PRKG1: variants seen among roughly 807,000 people sequenced by gnomAD.
PRKG1 encodes cGMP-dependent protein kinase 1.
Under a neutral mutation model 88.1 loss-of-function variants are expected in PRKG1, and 35 were observed. That is an observed-to-expected ratio of 0.40 (90% CI 0.30 to 0.53). The LOEUF (loss-of-function observed/expected upper bound fraction) is 0.53. Ranked by LOEUF, PRKG1 falls within the 20% of genes least tolerant of loss-of-function variation. The probability of loss-of-function intolerance (pLI) is 0.59; values close to 1 mark genes in which losing one functional copy is unlikely to be tolerated. For missense variants in PRKG1, 540 were observed against 839.8 expected, an observed-to-expected ratio of 0.64 and a Z score of 4.41; for synonymous variants, 303 against 292.5, an observed-to-expected ratio of 1.04 and a Z score of -0.37.
chr10:51,973,467 A>G lies in PRKG1; in HGVS notation c.762+65897A>G, dbSNP rs539106152. Among the ~76,000 whole-genome samples, 67 of 152,296 alleles carry G rather than the reference A, an allele frequency of 4.4e-4. 2 individuals carry two copies. In the South Asian group the frequency reaches 8.5e-3, roughly 19 times the overall value. On this transcript the variant is annotated intron_variant, in intron 5 of 17. Coordinates refer to ENST00000373980, the MANE Select transcript of PRKG1 (RefSeq NM_006258.4). The stretch of plus-strand genomic sequence containing the variant: ...CTTCTAAACTGGAAACCATTGGAAC[A>G]ATGCCACCTCAACAGTTTCTCTTGA...
At chr10:52,192,745 G>GA (rs573468113) in intron 9 of PRKG1, among the ~76,000 whole-genome samples, 48 of 151,520 alleles carry the variant, frequency 3.2e-4, no homozygotes, top group African/African-American at 7.5e-4. Context: ...TATATAAAAA[G>GA]AAAAAAAATA....
intron 9 of PRKG1, among the ~76,000 whole-genome samples, chr10:52,249,356 G>A (rs7907681): frequency 0.47 from 71,427 of 151,264 alleles, 18,703 homozygotes; most frequent in Non-Finnish European, 0.61. Flanking sequence ...AGAACTATAG[G>A]TTTTAACTCT....
intron 3 of PRKG1, among the ~76,000 whole-genome samples, chr10:51,609,906 G>T (rs1193387750): frequency 6.6e-6 from 1 of 152,050 alleles, no homozygotes; most frequent in Non-Finnish European, 1.5e-5. Context: ...ATACCTAGGC[G>T]ATGGGTTGAT....
chr10:51,896,714 CAT>C (rs1841858571), intron 4 of PRKG1, among the ~76,000 whole-genome samples: 1 of 128,844 alleles, frequency 7.8e-6, no homozygotes, highest in East Asian at 2.3e-4. Flanking sequence ...CTGGCCAAAA[CAT>C]AGTTAATAAT....
intron 3 of PRKG1, among the ~76,000 whole-genome samples, chr10:51,741,126 T>A (rs1366512360): frequency 6.7e-6 from 1 of 149,816 alleles, no homozygotes; most frequent in African/African-American, 2.5e-5. Context: ...GGGAGGTGGA[T>A]CTGAATGAAA....
chr10:51,793,823 A>T (rs1838936142), intron 3 of PRKG1, among the ~76,000 whole-genome samples: 1 of 152,072 alleles, frequency 6.6e-6, no homozygotes, highest in Non-Finnish European at 1.5e-5. Flanking sequence ...GTGCAGTGGC[A>T]TGATCTCAGC....
At chr10:51,528,514 T>C (rs1835009050) in intron 3 of PRKG1, among the ~76,000 whole-genome samples, 2 of 151,862 alleles carry the variant, frequency 1.3e-5, no homozygotes, top group Admixed American at 1.3e-4. Flanking sequence ...TTAGCTTAAG[T>C]GGAACATTAG....
chr10:51,926,269 A>T (rs550209305), intron 5 of PRKG1, among the ~76,000 whole-genome samples: 96 of 152,276 alleles, frequency 6.3e-4, no homozygotes, highest in African/African-American at 2.3e-3. Context: ...AACAAGAGAG[A>T]ACAGTGAGGA....
At chr10:51,897,984 T>A (rs1487204214) in intron 4 of PRKG1, among the ~76,000 whole-genome samples, 1 of 152,170 alleles carries the variant, frequency 6.6e-6, no homozygotes, top group East Asian at 1.9e-4. Flanking sequence ...AGCCCCTTTG[T>A]GACCTGACCC....
At chr10:51,413,111 G>A (rs555286234) in intron 2 of PRKG1, among the ~76,000 whole-genome samples, 122 of 152,308 alleles carry the variant, frequency 8.0e-4, no homozygotes, top group African/African-American at 2.8e-3. Flanking sequence ...TGTTAAGATT[G>A]TTCCTAATTC....
intron 3 of PRKG1, among the ~76,000 whole-genome samples, chr10:51,801,367 C>T (rs977394236): frequency 3.3e-5 from 5 of 151,984 alleles, no homozygotes; most frequent in East Asian, 3.9e-4. Flanking sequence ...AATTTTTCAA[C>T]GATTTAAAAA....
In PRKG1 at chr10:52,293,995, CG is replaced by C. The variant is rs1396258930; in HGVS notation, c.*99del. 1 of 1,026,306 alleles carries C rather than the reference CG, an allele frequency of 9.7e-7. No homozygotes were observed. 63.6% of individuals were successfully genotyped at this position (1,026,306 alleles called of 1,614,324 possible). A position where few individuals can be genotyped will look rare whatever the true frequency, so the allele number is the denominator to read the frequency against. On this transcript the variant is annotated 3_prime_UTR_variant, in exon 18 of 18. Coordinates refer to ENST00000373980, the MANE Select transcript of PRKG1 (RefSeq NM_006258.4). ...GAGGGAAAGAGAGAAGATTAGTGCTCGGGGTCACCATGATGCCTTTGATCGA... is the reference window on the plus strand; with the variant it reads ...GAGGGAAAGAGAGAAGATTAGTGCTCGGGTCACCATGATGCCTTTGATCGA...
At chr10:51,016,694 G>GTTTTTTTTTTTTTTTTTT (rs1843070466) in intron 1 of PRKG1, among the ~76,000 whole-genome samples, 2 of 6,050 alleles carry the variant, frequency 3.3e-4, no homozygotes, top group East Asian at 4.4e-3. Flanking sequence ...TTTTTTTTTG[G>GTTTTTTTTTTTTTTTTTT]AATCTTGCTC....
chr10:52,059,195 G>A (rs79590825), intron 6 of PRKG1, among the ~76,000 whole-genome samples: 2,349 of 152,030 alleles, frequency 0.015, 53 homozygotes, highest in African/African-American at 0.053. Flanking sequence ...CAGAGCAACT[G>A]GTATTCTCAA....
At chr10:51,880,769 T>C (rs934469751) in intron 4 of PRKG1, among the ~76,000 whole-genome samples, 5 of 151,292 alleles carry the variant, frequency 3.3e-5, no homozygotes, top group African/African-American at 1.2e-4. Context: ...AGAACACTAA[T>C]GTATGAGGCA....
At chr10:51,483,759 T>C (rs982280692) in intron 3 of PRKG1, among the ~76,000 whole-genome samples, 1 of 152,176 alleles carries the variant, frequency 6.6e-6, no homozygotes, top group Non-Finnish European at 1.5e-5. Flanking sequence ...AGTGATGATA[T>C]ATTTGGAGTA....
intron 3 of PRKG1, among the ~76,000 whole-genome samples, chr10:51,570,521 T>C (rs996948755): frequency 9.9e-5 from 15 of 151,866 alleles, no homozygotes; most frequent in African/African-American, 3.4e-4. Context: ...GTGGCAGAAG[T>C]GGAAGAAAAT....
At chr10:51,412,485 A>G (rs1838122198) in intron 2 of PRKG1, among the ~76,000 whole-genome samples, 1 of 152,014 alleles carries the variant, frequency 6.6e-6, no homozygotes, top group African/African-American at 2.4e-5. Context: ...TCTACTAAAG[A>G]TACAAAAAAT....
intron 3 of PRKG1, among the ~76,000 whole-genome samples, chr10:51,702,318 C>T (rs553992251): frequency 1.3e-5 from 2 of 152,204 alleles, no homozygotes; most frequent in Non-Finnish European, 2.9e-5. Context: ...ACCAGTGTGA[C>T]CCACCATGTA....
Sources: gnomAD v4.1 joint callset for allele counts (sites outside exome capture counted in the v4.1 genomes callset) on GRCh38, gnomAD v4.1.1 for gene constraint, MANE v1.5 for transcripts, NCBI Gene and HGNC (gene_info 2026-07-23, HGNC 2026-07-21) for gene names.